Variants in CPNE4 observed in about 807,000 individuals in gnomAD.
CPNE4 encodes copine 4.
A neutral mutation model predicts 67.9 loss-of-function variants in CPNE4; 25 were observed. The ratio of observed to expected loss-of-function variants is 0.37; its 90% CI spans 0.27 to 0.51. The LOEUF (loss-of-function observed/expected upper bound fraction) is 0.51. Ranked by LOEUF, CPNE4 falls within the 20% of genes least tolerant of loss-of-function variation. The pLI is 0.93. For synonymous variants in CPNE4, 242 were observed against 244.9 expected (o/e 0.99, Z 0.11); for missense variants, 464 against 690.8 (o/e 0.67, Z 3.68).
chr3:131,852,867 A>G (rs1162046479), intron 2 of CPNE4, among the ~76,000 whole-genome samples: 1 of 151,448 alleles, frequency 6.6e-6, no homozygotes, highest in African/African-American at 2.4e-5. Flanking sequence ...AATAATTTAA[A>G]ATAAAAATAA....
At chr3:131,797,535 A>G (rs775858803) in intron 2 of CPNE4, among the ~76,000 whole-genome samples, 2 of 152,102 alleles carry the variant, frequency 1.3e-5, no homozygotes, top group Non-Finnish European at 2.9e-5. Context: ...AAAGGCTAAC[A>G]CTCAGGACAG....
rs371631326 is a variant in CPNE4 at position 131,906,671 on chromosome 3, T to G, written c.-1-1227A>C. 1.8e-3 allele frequency among the ~76,000 whole-genome samples: 269 copies of G among 151,852 alleles called. 1 individual carries two copies. Among genetic ancestry groups the G allele is most frequent in the South Asian group, 9.8e-3 (47 of 4,772 alleles). On this transcript the variant is annotated intron_variant, in intron 1 of 15. Coordinates refer to ENST00000429747, the MANE Select transcript of CPNE4 (RefSeq NM_130808.3). ...CTATCATTGTTGGACATTTGGGTTG[T>G]TTCCAAGTCTTTGCTATCGTGAATA...
At chr3:132,012,323 G>A (rs1376980196) in intron 1 of CPNE4, among the ~76,000 whole-genome samples, 3 of 151,834 alleles carry the variant, frequency 2.0e-5, no homozygotes, top group Admixed American at 6.6e-5. Flanking sequence ...CATGTGTCAC[G>A]ACACCTGGCT....
chr3:131,581,964 C>T (rs932466268), intron 8 of CPNE4, among the ~76,000 whole-genome samples: 2 of 152,168 alleles, frequency 1.3e-5, no homozygotes, highest in African/African-American at 4.8e-5. Flanking sequence ...TATAATTATA[C>T]TCTATCTCAT....
At chr3:132,031,967 T>G (rs984843132) in intron 1 of CPNE4, among the ~76,000 whole-genome samples, 3 of 152,196 alleles carry the variant, frequency 2.0e-5, no homozygotes, top group Non-Finnish European at 2.9e-5. Flanking sequence ...ACATCTTTAC[T>G]TCCTACTAAC....
intron 7 of CPNE4, among the ~76,000 whole-genome samples, chr3:131,630,769 G>T (rs1054754763): frequency 6.6e-6 from 1 of 152,156 alleles, no homozygotes; most frequent in Non-Finnish European, 1.5e-5. Context: ...ATTATAAGAT[G>T]AAACCTGATT....
intron 2 of CPNE4, among the ~76,000 whole-genome samples, chr3:131,858,484 G>C (rs543321296): frequency 2.0e-5 from 3 of 152,246 alleles, no homozygotes; most frequent in Non-Finnish European, 4.4e-5. Flanking sequence ...GATATTTACT[G>C]TAAACACAAG....
At chr3:131,859,013 T>A (rs926258914) in intron 2 of CPNE4, among the ~76,000 whole-genome samples, 2 of 152,196 alleles carry the variant, frequency 1.3e-5, no homozygotes, top group Admixed American at 6.6e-5. Flanking sequence ...AGAATCACTG[T>A]CTAACGAAGC....
At chr3:131,770,311 A>G (rs1375084103) in intron 2 of CPNE4, among the ~76,000 whole-genome samples, 2 of 152,234 alleles carry the variant, frequency 1.3e-5, no homozygotes, top group Non-Finnish European at 2.9e-5. Context: ...AACCAACAAT[A>G]ACCATCACTG....
intron 1 of CPNE4, among the ~76,000 whole-genome samples, chr3:131,995,653 G>C (rs1477267645): frequency 2.0e-5 from 3 of 152,186 alleles, no homozygotes; most frequent in Non-Finnish European, 4.4e-5. Flanking sequence ...CATTTAGCCT[G>C]GCGACTGCCT....
At chr3:131,971,973 A>C (rs537176235) in intron 1 of CPNE4, among the ~76,000 whole-genome samples, 6 of 152,312 alleles carry the variant, frequency 3.9e-5, no homozygotes, top group Non-Finnish European at 7.3e-5. Context: ...GTAGGTGTTT[A>C]ATGAATGTTT....
chr3:131,644,764 C>G (rs1369624968), intron 7 of CPNE4, among the ~76,000 whole-genome samples: 2 of 152,148 alleles, frequency 1.3e-5, no homozygotes, highest in African/African-American at 2.4e-5. Context: ...TAAGAATGCT[C>G]TGGACTCTAG....
chr3:131,734,892 T>C (rs913022414), intron 2 of CPNE4, among the ~76,000 whole-genome samples: 4 of 151,908 alleles, frequency 2.6e-5, no homozygotes, highest in African/African-American at 9.7e-5. Context: ...ACCCTGTCCC[T>C]CCCCTGCCCC....
At chr3:131,988,179 T>A (rs2073099190) in intron 1 of CPNE4, among the ~76,000 whole-genome samples, 1 of 152,188 alleles carries the variant, frequency 6.6e-6, no homozygotes, top group Non-Finnish European at 1.5e-5. Context: ...ATGAGATACA[T>A]GCTATAAGAA....
intron 3 of CPNE4, among the ~76,000 whole-genome samples, chr3:131,720,162 C>T (rs1156301361): frequency 1.3e-5 from 2 of 152,152 alleles, no homozygotes; most frequent in Non-Finnish European, 2.9e-5. Flanking sequence ...ACTTTGACCA[C>T]CGGCATCTGT....
At chr3:131,992,395 T>C (rs1303770275) in intron 1 of CPNE4, among the ~76,000 whole-genome samples, 1 of 136,870 alleles carries the variant, frequency 7.3e-6, no homozygotes, top group African/African-American at 2.5e-5. Flanking sequence ...GACTGCCCTA[T>C]TGGATTTTGG....
chr3:131,657,814 T>G (rs1408263215), intron 7 of CPNE4, among the ~76,000 whole-genome samples: 1 of 151,906 alleles, frequency 6.6e-6, no homozygotes, highest in Non-Finnish European at 1.5e-5. Flanking sequence ...TCTGCCCGCC[T>G]CAGCCTTCCA....
intron 1 of CPNE4, among the ~76,000 whole-genome samples, chr3:132,029,548 C>G: frequency 6.6e-6 from 1 of 152,284 alleles, no homozygotes; most frequent in South Asian, 2.1e-4. Flanking sequence ...TAGGGCTTGC[C>G]CTGCCGTGGA....
At chr3:131,760,834 C>T (rs1347190833) in intron 2 of CPNE4, among the ~76,000 whole-genome samples, 3 of 152,186 alleles carry the variant, frequency 2.0e-5, no homozygotes, top group Non-Finnish European at 4.4e-5. Context: ...ATGAGATGAC[C>T]AGTTCTATCC....
Sources: allele counts gnomAD v4.1 joint callset (sites outside exome capture counted in the v4.1 genomes callset), GRCh38; gene constraint gnomAD v4.1.1; transcripts MANE v1.5; gene names NCBI Gene and HGNC (gene_info 2026-07-23, HGNC 2026-07-21).